Variants in CAST observed in about 807,000 individuals in gnomAD.
CAST encodes the protein calpastatin, also known as MIR583 host.
CAST carries 76 observed loss-of-function variants against 119.6 expected under a neutral mutation model. The observed-to-expected ratio is 0.64, with a 90% CI of 0.53 to 0.77. The LOEUF (loss-of-function observed/expected upper bound fraction) is 0.77, where lower values mean the gene tolerates loss of function less well. Among genes scored for constraint, CAST ranks in the 30% least tolerant of loss-of-function variants. The pLI, the probability that CAST is intolerant of heterozygous loss-of-function variation, is 0.00. For missense variants in CAST, 953 were observed against 946.5 expected, an observed-to-expected ratio of 1.01 and a Z score of -0.09; for synonymous variants, 319 against 331.6, an observed-to-expected ratio of 0.96 and a Z score of 0.41.
At chr5:96,732,604 C>G (rs1490530805) in intron 9 of CAST, among the ~76,000 whole-genome samples, 2 of 151,724 alleles carry the variant, frequency 1.3e-5, no homozygotes, top group South Asian at 2.1e-4. Context: ...ATGGTAATGC[C>G]TAGGTTTTCT....
the CAST span, among the ~76,000 whole-genome samples, chr5:96,471,037 G>A: frequency 6.6e-6 from 1 of 152,002 alleles, no homozygotes; most frequent in Non-Finnish European, 1.5e-5. Context: ...CCTTACAATA[G>A]TCCTGCAGCC....
At chr5:96,573,816 C>T (rs1041841718) in intron 1 of CAST, among the ~76,000 whole-genome samples, 5 of 152,290 alleles carry the variant, frequency 3.3e-5, no homozygotes, top group South Asian at 2.1e-4. Context: ...TTCTGATTTC[C>T]TCATGAGGGA....
At position 96,606,171 on chromosome 5, in the gene CAST, A is replaced by AAC. The variant is rs1747249944; in HGVS notation, c.61-69367_61-69366insCA. On this transcript the variant is annotated intron_variant, in intron 1 of 11. Coordinates refer to the CAST transcript ENST00000505143. ...AAATCACCTGAACAACAACAACAACAAAAAAAAAACACTGCCCAGGGCAGA... is the reference window on the plus strand; with the variant it reads ...AAATCACCTGAACAACAACAACAACAACAAAAAAAAACACTGCCCAGGGCAGA... Among the ~76,000 whole-genome samples the AAC allele has an allele frequency of 2.0e-5, 3 of 148,126 alleles. No homozygotes were observed. The South Asian group carries it at 6.4e-4, about 32-fold the overall frequency.
the CAST span, among the ~76,000 whole-genome samples, chr5:96,001,960 C>G: frequency 6.6e-6 from 1 of 152,188 alleles, no homozygotes; most frequent in African/African-American, 2.4e-5. Flanking sequence ...GAGAACCCCT[C>G]GAATTCTTCT....
intron 3 of CAST, among the ~76,000 whole-genome samples, chr5:96,703,425 G>C (rs1441785429): frequency 1.3e-5 from 2 of 152,182 alleles, no homozygotes; most frequent in African/African-American, 4.8e-5. Context: ...GTGTGGCGTG[G>C]CAAGTGTTGT....
At chr5:96,153,124 A>G in the CAST span, among the ~76,000 whole-genome samples, 1 of 152,176 alleles carries the variant, frequency 6.6e-6, no homozygotes, top group Non-Finnish European at 1.5e-5. Flanking sequence ...CTTCAAATTG[A>G]TATTGTGGTC....
At chr5:96,257,399 GA>G in the CAST span, among the ~76,000 whole-genome samples, 2 of 151,756 alleles carry the variant, frequency 1.3e-5, no homozygotes, top group Non-Finnish European at 2.9e-5. Context: ...ATCTTGGTTG[GA>G]AAAAAAAGAA....
the CAST span, among the ~76,000 whole-genome samples, chr5:96,263,484 A>G: frequency 6.6e-6 from 1 of 152,150 alleles, no homozygotes; most frequent in Non-Finnish European, 1.5e-5. Flanking sequence ...AATTATCAAT[A>G]TGGGATGTTC....
the CAST span, among the ~76,000 whole-genome samples, chr5:96,239,822 A>G: frequency 6.6e-6 from 1 of 151,238 alleles, no homozygotes; most frequent in African/African-American, 2.4e-5. Context: ...TCTTCACATC[A>G]CTAGTTTTAT....
the CAST span, among the ~76,000 whole-genome samples, chr5:96,449,717 T>C: frequency 6.6e-6 from 1 of 152,222 alleles, no homozygotes; most frequent in East Asian, 1.9e-4. Context: ...TATGTTCAAA[T>C]GCGTTATGTA....
the CAST span, among the ~76,000 whole-genome samples, chr5:96,437,116 T>C: frequency 6.6e-6 from 1 of 152,206 alleles, no homozygotes; most frequent in African/African-American, 2.4e-5. Flanking sequence ...TTAATTCTAC[T>C]GGTTGGGATG....
intron 3 of CAST, among the ~76,000 whole-genome samples, chr5:96,713,400 G>A (rs1421014537): frequency 6.6e-6 from 1 of 151,874 alleles, no homozygotes. Context: ...CGAAGTGCTG[G>A]GATTGCAGGT....
intron 2 of CAST, 194 bp downstream of exon 2, chr5:96,675,795 TAG>T: frequency 1.9e-6 from 1 of 521,334 alleles, no homozygotes; most frequent in Non-Finnish European, 3.4e-6. Flanking sequence ...TTCCTGGGAA[TAG>T]AGCCTGTATG....
chr5:96,641,593 C>T (rs1747950739), intron 1 of CAST, among the ~76,000 whole-genome samples: 1 of 152,178 alleles, frequency 6.6e-6, no homozygotes, highest in African/African-American at 2.4e-5. Context: ...GACCTCACAG[C>T]CTCATCTACA....
At chr5:96,464,744 G>A in the CAST span, among the ~76,000 whole-genome samples, 2 of 152,052 alleles carry the variant, frequency 1.3e-5, no homozygotes, top group African/African-American at 4.8e-5. Context: ...AAGCATAAAT[G>A]TATAACCTAA....
chr5:96,726,424 G>T (rs1211690691), intron 4 of CAST, among the ~76,000 whole-genome samples: 2 of 152,136 alleles, frequency 1.3e-5, no homozygotes, highest in Non-Finnish European at 2.9e-5. Context: ...GGATTATGTT[G>T]ACAGAATTTC....
chr5:96,128,229 T>C, the CAST span, among the ~76,000 whole-genome samples: 1 of 152,138 alleles, frequency 6.6e-6, no homozygotes, highest in South Asian at 2.1e-4. Context: ...GTTTATCAAA[T>C]GTTTTGAAGC....
the CAST span, among the ~76,000 whole-genome samples, chr5:96,206,869 G>A: frequency 6.6e-6 from 1 of 152,114 alleles, no homozygotes; most frequent in African/African-American, 2.4e-5. Flanking sequence ...GATAGGAATA[G>A]CATTGAATCT....
the CAST span, among the ~76,000 whole-genome samples, chr5:96,281,348 GTT>G: frequency 6.6e-6 from 1 of 152,130 alleles, no homozygotes; most frequent in African/African-American, 2.4e-5. Flanking sequence ...AATTCTTTTT[GTT>G]TTTGCTCTGC....
Sources: gnomAD v4.1 joint callset for allele counts (sites outside exome capture counted in the v4.1 genomes callset) on GRCh38, gnomAD v4.1.1 for gene constraint, MANE v1.5 for transcripts, NCBI Gene and HGNC (gene_info 2026-07-23, HGNC 2026-07-21) for gene names.